GRIN2A: variants seen among roughly 807,000 people sequenced by gnomAD.
The protein encoded by GRIN2A is glutamate ionotropic receptor NMDA type subunit 2A.
Under a neutral mutation model 113.4 loss-of-function variants are expected in GRIN2A, and 22 were observed. That is an observed-to-expected ratio of 0.19 (90% confidence interval 0.14 to 0.28). The LOEUF (loss-of-function observed/expected upper bound fraction) is 0.28. GRIN2A is among the 10% of genes least tolerant of loss of function. The probability of loss-of-function intolerance (pLI) is 1.00; values close to 1 mark genes in which losing one functional copy is unlikely to be tolerated. For missense variants in GRIN2A, 1,502 were observed against 1,887.0 expected (o/e 0.80, Z 3.78); for synonymous variants, 827 against 738.4 (o/e 1.12, Z -1.94).
intron 2 of GRIN2A, among the ~76,000 whole-genome samples, chr16:9,949,084 G>T (rs767852385): frequency 1.3e-5 from 2 of 152,236 alleles, no homozygotes; most frequent in Admixed American, 1.3e-4. Context: ...AACAGCTGCC[G>T]CCTCCTCTCT....
At chr16:10,170,491 T>A (rs1415867394) in intron 2 of GRIN2A, among the ~76,000 whole-genome samples, 5 of 152,198 alleles carry the variant, frequency 3.3e-5, no homozygotes, top group Admixed American at 3.3e-4. Flanking sequence ...TCTTAAGTAA[T>A]CTCATCACAC....
rs2141633147 is a variant in GRIN2A at position 9,938,537 on chromosome 16, G to A, written c.429C>T (p.Thr143=). The A allele has an allele frequency of 1.9e-6, 3 of 1,604,698 alleles. No individual in the cohort carries two copies. In the South Asian group the frequency reaches 3.3e-5, roughly 18 times the overall value. The change falls in exon 3 of 13, where the codon ACC becomes ACT. Residue 143 remains threonine, a synonymous_variant. Transcript: ENST00000330684. Reference sequence around the variant, plus strand: ...GGATGGACGCTCCAAACTGGAAGAAGGTAGACGTCGGATCCTGCCAGTGAA... The same window carrying A: ...GGATGGACGCTCCAAACTGGAAGAAAGTAGACGTCGGATCCTGCCAGTGAA... ...MIMADKDPTS[T]FFQFGASIQQ...
Position 9,764,506 on chromosome 16 carries a change from A to C in GRIN2A, c.3038T>G (p.Leu1013Arg). 2 of 1,614,120 alleles carry C rather than the reference A, an allele frequency of 1.2e-6. No homozygotes were observed. Among genetic ancestry groups the C allele is most frequent in the Non-Finnish European group, 1.7e-6 (2 of 1,180,020 alleles). Residue 1013 changes from leucine (L) to arginine (R), a missense_variant, in exon 13 of 13, where the codon CTG becomes CGG. Transcript: ENST00000330684. ...TATGGAATCCACGGATTTCTTCCACAGCTGCCGGGGTCTAGAGTTCGCTTT... is the reference window on the plus strand; with the variant it reads ...TATGGAATCCACGGATTTCTTCCACCGCTGCCGGGGTCTAGAGTTCGCTTT... ...ESKANSRPRQ[L>R]WKKSVDSIRQ... is the part of the protein sequence containing the mutation.
rs779359708 is a variant in GRIN2A at position 9,769,052 on chromosome 16, C to G, written c.2394G>C (p.Gly798=). 2 of 1,614,098 alleles carry G rather than the reference C, an allele frequency of 1.2e-6. No individual in the cohort carries two copies. Among genetic ancestry groups the G allele is most frequent in the South Asian group, 2.2e-5 (2 of 91,082 alleles). Residue 798 remains glycine (G), a synonymous_variant, in exon 12 of 13, where the codon GGG becomes GGC. Transcript: ENST00000330684. ...CCTCGTTCTTCTCGTTGTGGCAGAT[C>G]CCAGTGAGCCACAGGGTCTCCAGCT... ...MEELETLWLT[G]ICHNEKNEVM...
intron 3 of GRIN2A, among the ~76,000 whole-genome samples, chr16:9,913,097 G>C (rs1350565448): frequency 6.6e-6 from 1 of 152,190 alleles, no homozygotes; most frequent in Non-Finnish European, 1.5e-5. Context: ...ATAGCTTAAA[G>C]TGTCAGCAAG....
At chr16:9,888,283 T>C (rs967873872) in intron 4 of GRIN2A, among the ~76,000 whole-genome samples, 2 of 152,304 alleles carry the variant, frequency 1.3e-5, no homozygotes, top group East Asian at 3.9e-4. Context: ...GAGCAAAAGT[T>C]TTTAATTTTG....
intron 2 of GRIN2A, among the ~76,000 whole-genome samples, chr16:10,025,825 G>C (rs1783312709): frequency 6.6e-6 from 1 of 152,158 alleles, no homozygotes; most frequent in Non-Finnish European, 1.5e-5. Flanking sequence ...CCTTGCTTCA[G>C]AGAAATCTTA....
At chr16:10,103,267 C>A (rs1414763986) in intron 2 of GRIN2A, among the ~76,000 whole-genome samples, 2 of 152,186 alleles carry the variant, frequency 1.3e-5, no homozygotes, top group African/African-American at 2.4e-5. Flanking sequence ...TGATGTATCA[C>A]AGCCTCTGAA....
chr16:10,010,729 G>T (rs2046489546), intron 2 of GRIN2A, among the ~76,000 whole-genome samples: 1 of 152,132 alleles, frequency 6.6e-6, no homozygotes. Flanking sequence ...GAAGGTTCAT[G>T]CCTCCACCCC....
chr16:9,957,040 T>G (rs2045326253), intron 2 of GRIN2A, among the ~76,000 whole-genome samples: 1 of 152,192 alleles, frequency 6.6e-6, no homozygotes, highest in Non-Finnish European at 1.5e-5. Flanking sequence ...ACAGTTTCTA[T>G]CTAATCCCTT....
intron 2 of GRIN2A, among the ~76,000 whole-genome samples, chr16:10,086,605 CAAA>C (rs3033377): frequency 2.1e-4 from 21 of 99,690 alleles, no homozygotes; most frequent in African/African-American, 7.8e-4. Context: ...GGAGCAGCTC[CAAA>C]AAAAAAAAAA....
Position 9,763,669 on chromosome 16 carries a change from T to C in GRIN2A, c.3875A>G (p.Tyr1292Cys), listed in dbSNP as rs796052569. 6.2e-6 allele frequency: 10 copies of C among 1,613,604 alleles called. No homozygotes were observed. Among genetic ancestry groups the C allele is most frequent in the Non-Finnish European group, 8.5e-6 (10 of 1,179,988 alleles). Residue 1292 changes from tyrosine (Y) to cysteine (C), a missense_variant, in exon 13 of 13, where the codon TAC (tyrosine) becomes TGC (cysteine). By Grantham distance (194) the Tyr-to-Cys change is radical. Around this residue, in one of 7 missense-constraint regions of GRIN2A, gnomAD observed 832 missense variants for 789.7 expected, o/e 1.05. Coordinates refer to ENST00000330684, the MANE Select transcript of GRIN2A (RefSeq NM_001134407.3). ...CCTAGGTTTGTCGACAATGTTATCG[T>C]AGGAATGCTGACGGCTAATCCTTAG... The part of the protein sequence containing the change: ...NKLRISRQHS[Y>C]DNIVDKPREL...
intron 2 of GRIN2A, among the ~76,000 whole-genome samples, chr16:10,109,120 A>G (rs769263269): frequency 5.3e-5 from 8 of 152,094 alleles, no homozygotes; most frequent in Non-Finnish European, 7.4e-5. Flanking sequence ...AGACTTTAAG[A>G]TATTAAAAGG....
intron 2 of GRIN2A, among the ~76,000 whole-genome samples, chr16:10,067,368 C>T (rs966795683): frequency 2.0e-5 from 3 of 151,870 alleles, no homozygotes; most frequent in East Asian, 1.9e-4. Flanking sequence ...GTTATCTCCC[C>T]GTAAACATAC....
chr16:9,986,858 C>T (rs2045988270), intron 2 of GRIN2A, among the ~76,000 whole-genome samples: 1 of 151,368 alleles, frequency 6.6e-6, no homozygotes, highest in Admixed American at 6.6e-5. Flanking sequence ...TCCATAAATA[C>T]TACAACCTCA....
rs575302039 is a variant in GRIN2A at position 10,087,801 on chromosome 16, C to T, written c.414+92197G>A. On this transcript the variant is annotated intron_variant, in intron 2 of 12. Transcript: ENST00000330684. ...ATCGGGGCTCAAGTGATCCTCCCAC[C>T]TCAGCTTTCCAAGTAGCTGGGACTA... Among the ~76,000 whole-genome samples, 5 of 151,866 alleles carry T rather than the reference C, an allele frequency of 3.3e-5. No homozygotes were observed. In the South Asian group the frequency reaches 1.0e-3, roughly 32 times the overall value.
chr16:9,964,431 G>C (rs1212700091), intron 2 of GRIN2A, among the ~76,000 whole-genome samples: 6 of 152,100 alleles, frequency 3.9e-5, no homozygotes, highest in African/African-American at 1.4e-4. Context: ...ATTTTCTATT[G>C]CTGCTATGAC....
chr16:9,769,987 C>G (rs757574771), intron 11 of GRIN2A, among the ~76,000 whole-genome samples: 1 of 152,174 alleles, frequency 6.6e-6, no homozygotes, highest in Non-Finnish European at 1.5e-5. Context: ...TACCCACCCC[C>G]CAACTTCAGT....
At chr16:10,151,823 A>T (rs929639221) in intron 2 of GRIN2A, among the ~76,000 whole-genome samples, 7 of 152,202 alleles carry the variant, frequency 4.6e-5, no homozygotes, top group Non-Finnish European at 8.8e-5. Flanking sequence ...ACGTGTTATA[A>T]ACGAAAGAAT....
Sources: allele counts gnomAD v4.1 joint callset (sites outside exome capture counted in the v4.1 genomes callset), GRCh38; gene constraint gnomAD v4.1.1; regional missense constraint gnomAD v4.1.1; transcripts MANE v1.5; gene names NCBI Gene and HGNC (gene_info 2026-07-23, HGNC 2026-07-21).